Variants in SPACA7 observed in about 807,000 individuals in gnomAD.
The protein encoded by SPACA7 is sperm acrosome-associated protein 7.
In SPACA7, 19 loss-of-function variants were observed where a neutral mutation model predicts 26.3. The observed-to-expected ratio is 0.72, with a 90% CI of 0.50 to 1.06. The LOEUF (loss-of-function observed/expected upper bound fraction) is 1.06. SPACA7 is among the 50% of genes least tolerant of loss of function. The pLI is 0.00. For missense variants in SPACA7, 211 were observed against 229.9 expected (o/e 0.92, Z 0.53); for synonymous variants, 84 against 84.5 (o/e 0.99, Z 0.04).
intron 1 of SPACA7, among the ~76,000 whole-genome samples, chr13:112,379,564 A>C (rs536730046): frequency 2.6e-4 from 40 of 152,352 alleles, no homozygotes; most frequent in Non-Finnish European, 2.6e-4. Context: ...AAGGACAGTG[A>C]AAATTTCTAG....
intron 5 of SPACA7, 124 bp downstream of exon 5, chr13:112,401,288 C>G: frequency 2.9e-6 from 2 of 683,406 alleles, no homozygotes; most frequent in Non-Finnish European, 5.1e-6. Flanking sequence ...CCACCAACAT[C>G]ATGGTGAGAA....
At chr13:112,403,760 C>T (rs1426942225) in intron 5 of SPACA7, among the ~76,000 whole-genome samples, 1 of 152,152 alleles carries the variant, frequency 6.6e-6, no homozygotes, top group Non-Finnish European at 1.5e-5. Context: ...TATTTCATTT[C>T]TTTTTATACC....
intron 1 of SPACA7, among the ~76,000 whole-genome samples, chr13:112,383,968 A>G (rs1249849341): frequency 6.6e-6 from 1 of 152,250 alleles, no homozygotes; most frequent in East Asian, 1.9e-4. Context: ...AGAAACAAAT[A>G]TGTTGTAAAT....
At chr13:112,384,233 G>A (rs1005335886) in intron 1 of SPACA7, among the ~76,000 whole-genome samples, 15 of 151,992 alleles carry the variant, frequency 9.9e-5, no homozygotes, top group Non-Finnish European at 2.2e-4. Context: ...AAATGTTTGT[G>A]GATGACAAAA....
At chr13:112,401,582 A>T (rs1386390146) in intron 5 of SPACA7, among the ~76,000 whole-genome samples, 1 of 152,156 alleles carries the variant, frequency 6.6e-6, no homozygotes, top group Non-Finnish European at 1.5e-5. Context: ...ATAATTTTTC[A>T]TGCAAAAAAA....
rs192496039 is a variant in SPACA7, at chr13:112,391,985, C to G, written c.95-1036C>G. On this transcript the variant is annotated intron_variant, in intron 1 of 6. Coordinates refer to ENST00000283550, the MANE Select transcript of SPACA7 (RefSeq NM_145248.5). Reference sequence around the variant, plus strand: ...GTCGATTGGTATGCAGATTGTCTGTCATTAAAGCCATTTGGAAATCAGCTT... The same window carrying G: ...GTCGATTGGTATGCAGATTGTCTGTGATTAAAGCCATTTGGAAATCAGCTT... Among the ~76,000 whole-genome samples, 6 of 152,272 alleles carry G rather than the reference C, an allele frequency of 3.9e-5. No homozygotes were observed. In the East Asian group the frequency reaches 1.2e-3, roughly 29 times the overall value.
intron 5 of SPACA7, among the ~76,000 whole-genome samples, chr13:112,428,037 C>T (rs1174897360): frequency 1.3e-5 from 2 of 152,088 alleles, no homozygotes; most frequent in Non-Finnish European, 2.9e-5. Context: ...CTTCTCTTAA[C>T]ATTATTTTCT....
chr13:112,383,953 T>C (rs1884372009), intron 1 of SPACA7, among the ~76,000 whole-genome samples: 1 of 152,210 alleles, frequency 6.6e-6, no homozygotes, highest in Admixed American at 6.5e-5. Context: ...AGAAATCAGG[T>C]AGAGAGAAAC....
chr13:112,405,642 C>G (rs928583614), intron 5 of SPACA7, among the ~76,000 whole-genome samples: 1 of 152,140 alleles, frequency 6.6e-6, no homozygotes, highest in African/African-American at 2.4e-5. Flanking sequence ...TCTCCAGTGT[C>G]AAGATTTAAC....
intron 5 of SPACA7, among the ~76,000 whole-genome samples, chr13:112,429,973 A>G (rs1876906236): frequency 6.6e-6 from 1 of 152,156 alleles, no homozygotes; most frequent in Non-Finnish European, 1.5e-5. Flanking sequence ...AATTCTGTGT[A>G]CTCAATTTCC....
At chr13:112,382,502 C>A (rs2138862898) in intron 1 of SPACA7, 1 of 1,550,364 alleles carries the variant, frequency 6.5e-7, no homozygotes, top group Non-Finnish European at 8.7e-7. Context: ...GGGAATGAAC[C>A]CCAAGGTGAG....
At chr13:112,377,568 G>A (rs1362907668) in intron 1 of SPACA7, among the ~76,000 whole-genome samples, 1 of 152,176 alleles carries the variant, frequency 6.6e-6, no homozygotes, top group Non-Finnish European at 1.5e-5. Flanking sequence ...AATTTGATCA[G>A]ATATCAAGGG....
intron 5 of SPACA7, among the ~76,000 whole-genome samples, chr13:112,411,640 A>G (rs917051194): frequency 6.6e-6 from 1 of 151,456 alleles, no homozygotes; most frequent in Non-Finnish European, 1.5e-5. Flanking sequence ...TGCACTCTCT[A>G]CCTCCATGAG....
intron 5 of SPACA7, among the ~76,000 whole-genome samples, chr13:112,430,459 T>C (rs1302812638): frequency 2.6e-5 from 4 of 152,190 alleles, no homozygotes; most frequent in Non-Finnish European, 5.9e-5. Flanking sequence ...TTAATTAAAT[T>C]GGGAGGATAA....
chr13:112,403,514 G>A (rs1047536124), intron 5 of SPACA7, among the ~76,000 whole-genome samples: 7 of 152,020 alleles, frequency 4.6e-5, no homozygotes, highest in South Asian at 2.1e-4. Context: ...AGATTTTGGC[G>A]CACCCATCAT....
At chr13:112,413,588 T>G (rs1455303419) in intron 5 of SPACA7, among the ~76,000 whole-genome samples, 1 of 152,226 alleles carries the variant, frequency 6.6e-6, no homozygotes, top group South Asian at 2.1e-4. Flanking sequence ...ATATTCCTGG[T>G]GATCTTTGAT....
At chr13:112,424,686 C>T (rs924091023) in intron 5 of SPACA7, among the ~76,000 whole-genome samples, 3 of 152,144 alleles carry the variant, frequency 2.0e-5, no homozygotes, top group African/African-American at 7.2e-5. Flanking sequence ...CTGAGTTATG[C>T]CTTTTAATTT....
rs765785111 is a variant in SPACA7 at position 112,401,114 on chromosome 13, A to C, written c.395A>C (p.Tyr132Ser). 6.2e-7 allele frequency: 1 copy of C among 1,614,180 alleles called. No individual in the cohort carries two copies. Among genetic ancestry groups the C allele is most frequent in the Non-Finnish European group, 8.5e-7 (1 of 1,180,010 alleles). Residue 132 changes from tyrosine (Y) to serine (S), a missense_variant, in exon 5 of 7, where the codon TAT becomes TCT. Physicochemically the swap from Tyr to Ser is moderately radical, Grantham distance 144. Coordinates refer to ENST00000283550, the MANE Select transcript of SPACA7 (RefSeq NM_145248.5). The part of the protein sequence containing the change: ...ANLHGDPSEN[Y>S]RGPQVSPGSE... ...CTCCATGGCGATCCTTCTGAGAATT[A>C]TCGTGGGCCACAGGTGTCTCCTGGC... is the stretch of plus-strand genomic sequence containing the variant.
intron 5 of SPACA7, among the ~76,000 whole-genome samples, chr13:112,418,492 T>G (rs958679763): frequency 6.6e-6 from 1 of 152,232 alleles, no homozygotes; most frequent in African/African-American, 2.4e-5. Flanking sequence ...TGTGTAAGCC[T>G]GTACCACATG....
Sources: gnomAD v4.1 joint callset for allele counts (sites outside exome capture counted in the v4.1 genomes callset) on GRCh38, gnomAD v4.1.1 for gene constraint, MANE v1.5 for transcripts, NCBI Gene and HGNC (gene_info 2026-07-23, HGNC 2026-07-21) for gene names.